The following DYM variants were observed in gnomAD, a reference collection of about 807,000 sequenced individuals.
The protein encoded by DYM is dymeclin, also known as dyggve-Melchior-Clausen syndrome protein.
A neutral mutation model predicts 93.1 loss-of-function variants in DYM; 78 were observed. The observed-to-expected ratio is 0.84, with a 90% CI of 0.70 to 1.01. The LOEUF (loss-of-function observed/expected upper bound fraction) is 1.01. Ranked by LOEUF, DYM falls within the 50% of genes least tolerant of loss-of-function variation. DYM has a pLI of 0.00. For synonymous variants in DYM, 321 were observed against 319.7 expected (o/e 1.00, Z -0.04); for missense variants, 789 against 845.0 (o/e 0.93, Z 0.82).
chr18:49,241,451 T>C (rs567182441), intron 13 of DYM, among the ~76,000 whole-genome samples: 8 of 152,312 alleles, frequency 5.3e-5, no homozygotes, highest in African/African-American at 1.9e-4. Context: ...AGACTTATAA[T>C]TAAATAAGAC....
chr18:49,398,351 A>G (rs2070377032), intron 2 of DYM, among the ~76,000 whole-genome samples: 1 of 152,146 alleles, frequency 6.6e-6, no homozygotes. Flanking sequence ...AGAGGCAGAC[A>G]GATATGTGCA....
At chr18:49,265,838 T>C (rs2094561533) in intron 11 of DYM, among the ~76,000 whole-genome samples, 1 of 147,282 alleles carries the variant, frequency 6.8e-6, no homozygotes, top group Non-Finnish European at 1.5e-5. Flanking sequence ...AAGCCAGATA[T>C]ATAGAAGATG....
intron 6 of DYM, among the ~76,000 whole-genome samples, chr18:49,353,661 A>C (rs1417412290): frequency 6.6e-6 from 1 of 152,088 alleles, no homozygotes; most frequent in Non-Finnish European, 1.5e-5. Context: ...TGAATCAAAA[A>C]AGTGGTATAC....
At chr18:49,209,973 T>C (rs1374787864) in intron 13 of DYM, among the ~76,000 whole-genome samples, 1 of 152,184 alleles carries the variant, frequency 6.6e-6, no homozygotes, top group East Asian at 1.9e-4. Context: ...TTTAACATCA[T>C]ACATCACTAG....
At chr18:49,162,796 A>C (rs192003338) in intron 15 of DYM, among the ~76,000 whole-genome samples, 2 of 152,342 alleles carry the variant, frequency 1.3e-5, no homozygotes, top group Admixed American at 6.5e-5. Flanking sequence ...GGACTTTAAG[A>C]CTTTAAGACA....
At chr18:49,100,500 T>G (rs1432392750) in intron 16 of DYM, among the ~76,000 whole-genome samples, 1 of 152,174 alleles carries the variant, frequency 6.6e-6, no homozygotes, top group Non-Finnish European at 1.5e-5. Context: ...CTGGGAGAGC[T>G]GCAGAGGAGG....
In DYM at chr18:49,317,551, T is replaced by TTCTCTCTCTCTCTCTCTC. The variant is rs796373730; in HGVS notation, c.763+14295_763+14312dup. Among the ~76,000 whole-genome samples, 2 of 29,354 alleles carry TTCTCTCTCTCTCTCTCTC rather than the reference T, an allele frequency of 6.8e-5. 1 individual carries two copies. The highest frequency in any genetic ancestry group is 1.3e-4 in the Non-Finnish European group (2 of 15,908). The allele number at this position is 29,354 out of a possible 152,430, so 19.3% of individuals were successfully genotyped here. ...TGCCCTAGTCCTTAGCCATCTAGAT[T>TTCTCTCTCTCTCTCTCTC]TCTCTCTCTCTCTCTCTCTCTCTCT... On this transcript the variant is annotated intron_variant, in intron 8 of 17. Coordinates refer to ENST00000675505, the MANE Select transcript of DYM (RefSeq NM_001353214.3).
At chr18:49,414,434 A>G (rs886861953) in intron 2 of DYM, among the ~76,000 whole-genome samples, 5 of 152,252 alleles carry the variant, frequency 3.3e-5, no homozygotes, top group Non-Finnish European at 5.9e-5. Flanking sequence ...TAGGATAGTT[A>G]GTAAATTATA....
intron 13 of DYM, among the ~76,000 whole-genome samples, chr18:49,241,024 A>T (rs2093997009): frequency 6.6e-6 from 1 of 152,224 alleles, no homozygotes; most frequent in African/African-American, 2.4e-5. Context: ...CTAAGGTCTC[A>T]GCAGTTTTAC....
rs567580317 is a variant in DYM, at chr18:49,403,747, C to T, written c.141-12102G>A. ...TTAACCCTTGTCCCCCTCCTTCTTCCCCCCATAGTAGTACCCAGTGTCTAT... is the reference window on the plus strand; with the variant it reads ...TTAACCCTTGTCCCCCTCCTTCTTCTCCCCATAGTAGTACCCAGTGTCTAT... On this transcript the variant is annotated intron_variant, in intron 2 of 17. Coordinates refer to ENST00000675505, the MANE Select transcript of DYM (RefSeq NM_001353214.3). Among the ~76,000 whole-genome samples, 4 of 150,682 alleles carry T rather than the reference C, an allele frequency of 2.7e-5. No individual in the cohort carries two copies. The East Asian group carries it at 7.8e-4, about 30-fold the overall frequency.
chr18:49,098,417 G>C (rs2079783112), intron 16 of DYM, among the ~76,000 whole-genome samples: 1 of 152,136 alleles, frequency 6.6e-6, no homozygotes, highest in Non-Finnish European at 1.5e-5. Context: ...AATTGTTTAA[G>C]AGTACAATAA....
chr18:49,347,055 T>G (rs1280101713), intron 6 of DYM, among the ~76,000 whole-genome samples: 1 of 152,226 alleles, frequency 6.6e-6, no homozygotes, highest in East Asian at 1.9e-4. Context: ...TATTGAACAC[T>G]GTACTGAAAG....
chr18:49,236,610 TA>T (rs1172866768), intron 13 of DYM, among the ~76,000 whole-genome samples: 1 of 152,216 alleles, frequency 6.6e-6, no homozygotes, highest in Non-Finnish European at 1.5e-5. Flanking sequence ...AATTGCTTTA[TA>T]AATGGCAAGA....
intron 5 of DYM, 57 bp downstream of exon 5, chr18:49,378,510 T>G (rs1331198991): frequency 2.0e-6 from 3 of 1,500,546 alleles, no homozygotes; most frequent in Non-Finnish European, 2.8e-6. Flanking sequence ...TTCCTGAAAT[T>G]TTATCCTTAA....
At chr18:49,132,256 C>T (rs1334674065) in intron 15 of DYM, among the ~76,000 whole-genome samples, 4 of 152,150 alleles carry the variant, frequency 2.6e-5, no homozygotes, top group African/African-American at 9.6e-5. Context: ...GGATATATGA[C>T]AAAATCTAAT....
chr18:49,091,105 C>T (rs114366499), intron 17 of DYM, among the ~76,000 whole-genome samples: 2,053 of 152,238 alleles, frequency 0.013, 43 homozygotes, highest in African/African-American at 0.047. Context: ...TGAAGCAGCA[C>T]TTTATGGTCA....
chr18:49,207,353 G>A (rs1600655803), intron 14 of DYM, among the ~76,000 whole-genome samples: 1 of 152,152 alleles, frequency 6.6e-6, no homozygotes, highest in East Asian at 1.9e-4. Flanking sequence ...GACAGGATAG[G>A]ATATATACAA....
At chr18:49,187,237 A>C (rs2090534150) in intron 14 of DYM, among the ~76,000 whole-genome samples, 1 of 152,130 alleles carries the variant, frequency 6.6e-6, no homozygotes, top group Admixed American at 6.6e-5. Context: ...ACACAGTCTA[A>C]GAAAAGTTAC....
At chr18:49,208,520 G>A (rs572938675) in intron 14 of DYM, 33 of 152,232 alleles carry the variant, frequency 2.2e-4, no homozygotes, top group African/African-American at 4.1e-4. Flanking sequence ...ACATCATCAC[G>A]AGTCTATAAA....
Sources: gnomAD v4.1 joint callset for allele counts (sites outside exome capture counted in the v4.1 genomes callset) on GRCh38, gnomAD v4.1.1 for gene constraint, MANE v1.5 for transcripts, NCBI Gene and HGNC (gene_info 2026-07-23, HGNC 2026-07-21) for gene names.